The following KLHL4 variants were observed in gnomAD, a reference collection of about 807,000 sequenced individuals.
The protein encoded by KLHL4 is kelch like family member 4, also known as kelch-like protein 4.
A neutral mutation model predicts 45.8 loss-of-function variants in KLHL4; 17 were observed. That is an observed-to-expected ratio of 0.37 (90% CI 0.25 to 0.56). KLHL4 has a LOEUF of 0.56. Ranked by LOEUF, KLHL4 falls within the 20% of genes least tolerant of loss-of-function variation. The probability of loss-of-function intolerance (pLI) is 0.79; values close to 1 mark genes in which losing one functional copy is unlikely to be tolerated. For synonymous variants in KLHL4, 224 were observed against 189.9 expected (o/e 1.18, Z -1.47); for missense variants, 544 against 544.9 (o/e 1.00, Z 0.02).
At chrX:87,597,642 C>T (rs772046910) in intron 1 of KLHL4, among the ~76,000 whole-genome samples, 1 of 111,444 alleles carries the variant, frequency 9.0e-6, no homozygotes, top group African/African-American at 3.2e-5. Flanking sequence ...GAAAGCATTC[C>T]TTTTTGATTC....
intron 1 of KLHL4, among the ~76,000 whole-genome samples, chrX:87,545,019 A>T (rs1385869568): frequency 8.9e-6 from 1 of 112,481 alleles, no homozygotes; most frequent in Admixed American, 9.4e-5. Flanking sequence ...AGAATTCAAA[A>T]TAGCTGTGTT....
chrX:87,580,910 C>T (rs1921253850), intron 1 of KLHL4, among the ~76,000 whole-genome samples: 1 of 111,879 alleles, frequency 8.9e-6, no homozygotes, highest in South Asian at 3.7e-4. Context: ...GGCCTCCAGC[C>T]ACCCCCACTC....
intron 10 of KLHL4, among the ~76,000 whole-genome samples, chrX:87,665,393 C>T (rs1279579440): frequency 3.6e-5 from 4 of 111,184 alleles, no homozygotes; most frequent in African/African-American, 1.3e-4. Flanking sequence ...CAATCTTTAC[C>T]ATATAGAGAC....
At chrX:87,664,994 A>G (rs1924320148) in intron 10 of KLHL4, 59 bp downstream of exon 10, 1 of 795,438 alleles carries the variant, frequency 1.3e-6, no homozygotes, top group Non-Finnish European at 1.8e-6. Flanking sequence ...AAGATATTAA[A>G]TTATATTTTT....
intron 8 of KLHL4, among the ~76,000 whole-genome samples, chrX:87,634,846 A>T (rs943763428): frequency 9.0e-6 from 1 of 111,662 alleles, no homozygotes; most frequent in Non-Finnish European, 1.9e-5. Flanking sequence ...AAAACATGAA[A>T]TTTGACCTAT....
chrX:87,604,167 G>A (rs1343455478), intron 1 of KLHL4, among the ~76,000 whole-genome samples: 2 of 109,967 alleles, frequency 1.8e-5, no homozygotes, highest in Non-Finnish European at 3.8e-5. Flanking sequence ...TCCATATCTT[G>A]TCTGCTCTAA....
At chrX:87,644,546 A>T (rs1923567943) in intron 9 of KLHL4, among the ~76,000 whole-genome samples, 1 of 111,395 alleles carries the variant, frequency 9.0e-6, no homozygotes, top group African/African-American at 3.3e-5. Flanking sequence ...ACAGAATTAG[A>T]AAAAACAATT....
chrX:87,628,862 C>T (rs1464067662), intron 6 of KLHL4, among the ~76,000 whole-genome samples: 2 of 112,064 alleles, frequency 1.8e-5, no homozygotes, highest in East Asian at 2.8e-4. Flanking sequence ...CTAACTATAA[C>T]TCCTACAATG....
At chrX:87,531,811 C>A (rs1931289249) in intron 1 of KLHL4, among the ~76,000 whole-genome samples, 1 of 94,755 alleles carries the variant, frequency 1.1e-5, no homozygotes, top group African/African-American at 3.9e-5. Context: ...AACTACAAAC[C>A]ACTGCTCAAG....
At chrX:87,602,119 G>T (rs1197027329) in intron 1 of KLHL4, among the ~76,000 whole-genome samples, 1 of 110,930 alleles carries the variant, frequency 9.0e-6, no homozygotes, top group Admixed American at 9.6e-5. Context: ...GTGCAGCTGT[G>T]CAATGTTTGT....
intron 1 of KLHL4, among the ~76,000 whole-genome samples, chrX:87,569,752 A>G (rs1274275304): frequency 8.9e-6 from 1 of 111,910 alleles, no homozygotes; most frequent in Non-Finnish European, 1.9e-5. Context: ...TTCTATTTAT[A>G]TAAAATACCT....
chrX:87,574,172 T>A (rs1222343247), intron 1 of KLHL4, among the ~76,000 whole-genome samples: 3 of 111,629 alleles, frequency 2.7e-5, no homozygotes, highest in Non-Finnish European at 3.8e-5. Context: ...TTAAAACAAG[T>A]GTTGAGCTAT....
chrX:87,667,140 C>A lies in KLHL4; in HGVS notation c.*606C>A. The A allele has an allele frequency of 1.3e-6, 1 of 752,788 alleles. No homozygotes were observed. Among genetic ancestry groups the A allele is most frequent in the Non-Finnish European group, 1.6e-6 (1 of 638,460 alleles). The allele number at this position is 752,788 out of a possible 1,213,427, so 62.0% of individuals were successfully genotyped here. A position where few individuals can be genotyped will look rare whatever the true frequency, so the allele number is the denominator to read the frequency against. ...ACTTGTTATGTTGATCGCGGTATGT[C>A]AAAATTTTTACAGGTTTGCTCATCT... is the stretch of plus-strand genomic sequence containing the variant. On this transcript the variant is annotated 3_prime_UTR_variant, in exon 11 of 11. Transcript: ENST00000373119.
At chrX:87,642,208 T>A (rs1923484965) in intron 9 of KLHL4, among the ~76,000 whole-genome samples, 1 of 110,845 alleles carries the variant, frequency 9.0e-6, no homozygotes, top group Non-Finnish European at 1.9e-5. Context: ...ATGGTTCACA[T>A]CCCAGGACTC....
intron 9 of KLHL4, among the ~76,000 whole-genome samples, chrX:87,641,661 T>C (rs1392435683): frequency 2.7e-5 from 3 of 111,308 alleles, no homozygotes; most frequent in African/African-American, 9.8e-5. Flanking sequence ...CAAGCCCGTC[T>C]CGTCCTCTAC....
chrX:87,640,621 C>T (rs1923423175), intron 9 of KLHL4, among the ~76,000 whole-genome samples: 1 of 111,501 alleles, frequency 9.0e-6, no homozygotes, highest in Non-Finnish European at 1.9e-5. Flanking sequence ...CAGTAAAACC[C>T]TTTGACAAAG....
chrX:87,585,660 G>A (rs1569347198), intron 1 of KLHL4, among the ~76,000 whole-genome samples: 1 of 110,746 alleles, frequency 9.0e-6, no homozygotes, highest in Non-Finnish European at 1.9e-5. Flanking sequence ...TATATCACCA[G>A]AAAAATTAAC....
intron 1 of KLHL4, among the ~76,000 whole-genome samples, chrX:87,563,353 T>C (rs1932140254): frequency 9.1e-6 from 1 of 109,867 alleles, no homozygotes; most frequent in African/African-American, 3.3e-5. Context: ...TTCGGAGAGA[T>C]AGTTCAAAAT....
intron 9 of KLHL4, 28 bp downstream of exon 9, chrX:87,635,803 G>A: frequency 9.7e-7 from 1 of 1,026,360 alleles, no homozygotes; most frequent in Non-Finnish European, 1.3e-6. Flanking sequence ...CCTTCTGTAT[G>A]TAATTATTTG....
Sources: allele counts gnomAD v4.1 joint callset (sites outside exome capture counted in the v4.1 genomes callset), GRCh38; gene constraint gnomAD v4.1.1; transcripts MANE v1.5; gene names NCBI Gene and HGNC (gene_info 2026-07-23, HGNC 2026-07-21).